The following RAI1 variants were observed in gnomAD, a reference collection of about 807,000 sequenced individuals.
The protein encoded by RAI1 is retinoic acid-induced protein 1.
RAI1 carries 9 observed loss-of-function variants against 123.8 expected under a neutral mutation model. The observed-to-expected ratio is 0.07, with a 90% CI of 0.04 to 0.13. The LOEUF (loss-of-function observed/expected upper bound fraction) is 0.13, where lower values mean the gene tolerates loss of function less well. RAI1 is among the 10% of genes least tolerant of loss of function. The pLI is 1.00. For synonymous variants in RAI1, 1,231 were observed against 1,127.3 expected, an observed-to-expected ratio of 1.09 and a Z score of -1.84; for missense variants, 2,256 against 2,545.8, an observed-to-expected ratio of 0.89 and a Z score of 2.45.
intron 1 of RAI1, among the ~76,000 whole-genome samples, chr17:17,722,367 A>G (rs1447657425): frequency 6.6e-6 from 1 of 152,256 alleles, no homozygotes; most frequent in East Asian, 1.9e-4. Flanking sequence ...GGCGCCCGCC[A>G]GCTGCACTCA....
chr17:17,684,697 T>TATAC (rs1311205723), intron 1 of RAI1: 1 of 128,164 alleles, frequency 7.8e-6, no homozygotes, highest in Middle Eastern at 3.4e-3. Context: ...TATATATATA[T>TATAC]ATATATATAT....
chr17:17,690,493 G>A (rs1418343671), intron 1 of RAI1, among the ~76,000 whole-genome samples: 1 of 151,936 alleles, frequency 6.6e-6, no homozygotes, highest in Non-Finnish European at 1.5e-5. Context: ...GCCTGCCTCT[G>A]TGTGTCTTTA....
rs753540389 is a variant in RAI1 at position 17,797,380 on chromosome 17, C to G, written c.4432C>G (p.Arg1478Gly). 1.2e-6 allele frequency: 2 copies of G among 1,612,784 alleles called. No homozygotes were observed. The highest frequency in any genetic ancestry group is 2.2e-5 in the East Asian group (1 of 44,838). Residue 1478 changes from arginine (R) to glycine (G), a missense_variant, in exon 3 of 6, where the codon CGA (arginine) becomes GGA (glycine). Arg to Gly is a moderately radical substitution (Grantham distance 125, BLOSUM62 -2). Coordinates refer to ENST00000353383, the MANE Select transcript of RAI1 (RefSeq NM_030665.4). Reference sequence around the variant, plus strand: ...TGGCCCGGCTCTGCTCCTGACTCCCCGAGACAGGGCCAGTGGCACACAAGG... The same window carrying G: ...TGGCCCGGCTCTGCTCCTGACTCCCGGAGACAGGGCCAGTGGCACACAAGG... ...YLGPALLLTP[R>G]DRASGTQGAS...
At chr17:17,704,642 A>G (rs1012506811) in intron 1 of RAI1, among the ~76,000 whole-genome samples, 1 of 152,186 alleles carries the variant, frequency 6.6e-6, no homozygotes, top group South Asian at 2.1e-4. Flanking sequence ...CAGGATATGC[A>G]TAGTCCTGAC....
chr17:17,749,764 AC>A (rs1464493129), intron 2 of RAI1, among the ~76,000 whole-genome samples: 1 of 152,124 alleles, frequency 6.6e-6, no homozygotes, highest in African/African-American at 2.4e-5. Context: ...TTCTTGCCAT[AC>A]TGTAAGCTCC....
intron 2 of RAI1, among the ~76,000 whole-genome samples, chr17:17,739,577 C>T (rs867534194): frequency 2.6e-5 from 4 of 152,200 alleles, no homozygotes; most frequent in African/African-American, 9.7e-5. Context: ...CTCCTGCCTT[C>T]CAGAGCTAAG....
chr17:17,705,911 C>T (rs375733376), intron 1 of RAI1, among the ~76,000 whole-genome samples: 27 of 151,068 alleles, frequency 1.8e-4, no homozygotes, highest in African/African-American at 6.3e-4. Context: ...GTAGTCCCAG[C>T]TACTCGGGAG....
intron 1 of RAI1, among the ~76,000 whole-genome samples, chr17:17,723,004 G>A (rs1915936787): frequency 6.6e-6 from 1 of 151,998 alleles, no homozygotes; most frequent in South Asian, 2.1e-4. Context: ...AGCCACACAC[G>A]CAACCGCCTG....
chr17:17,701,793 C>T (rs1915232652), intron 1 of RAI1, among the ~76,000 whole-genome samples: 1 of 152,176 alleles, frequency 6.6e-6, no homozygotes, highest in African/African-American at 2.4e-5. Flanking sequence ...AGTCCCATCC[C>T]TCCTCCCTTT....
chr17:17,810,960 C>T lies in RAI1; in HGVS notation c.*979C>T, dbSNP rs1034976781. 3 of 326,002 alleles carry T rather than the reference C, an allele frequency of 9.2e-6. No individual in the cohort carries two copies. Among genetic ancestry groups the T allele is most frequent in the Non-Finnish European group, 1.9e-5 (3 of 159,054 alleles). The allele number at this position is 326,002 out of a possible 1,614,324, so 20.2% of individuals were successfully genotyped here. A position where few individuals can be genotyped will look rare whatever the true frequency, so the allele number is the denominator to read the frequency against. On this transcript the variant is annotated 3_prime_UTR_variant, in exon 6 of 6. Transcript: ENST00000353383. This position sits in a 1 kb window ranked among gnomAD's most constrained non-coding sequence, Gnocchi z 4.6. Reference sequence around the variant, plus strand: ...ATATGTTGGGAACATGCTCGCTTCTCCCGTGTGTCGCCGCCGTGCGTCGTG... The same window carrying T: ...ATATGTTGGGAACATGCTCGCTTCTTCCGTGTGTCGCCGCCGTGCGTCGTG...
rs116071139 is a variant in RAI1, at chr17:17,690,722, C to A, written c.-149+8929C>A. Among the ~76,000 whole-genome samples the A allele has an allele frequency of 8.3e-3, 1,269 of 152,314 alleles. 15 individuals are homozygous for A. The highest frequency in any genetic ancestry group is 0.03 in the African/African-American group (1,230 of 41,568). Reference sequence around the variant, plus strand: ...AAAGTAAAAACCACCTGAAAGATTTCTTAGGAGCTACAGCTTCATAGAGAT... The same window carrying A: ...AAAGTAAAAACCACCTGAAAGATTTATTAGGAGCTACAGCTTCATAGAGAT... On this transcript the variant is annotated intron_variant, in intron 1 of 5. Coordinates refer to ENST00000353383, the MANE Select transcript of RAI1 (RefSeq NM_030665.4).
intron 2 of RAI1, among the ~76,000 whole-genome samples, chr17:17,754,205 T>TC: frequency 7.1e-6 from 1 of 140,760 alleles, no homozygotes; most frequent in South Asian, 2.4e-4. Flanking sequence ...TTTTTTTTTT[T>TC]TTTTTTTTTT....
intron 2 of RAI1, among the ~76,000 whole-genome samples, chr17:17,792,359 G>A (rs995180778): frequency 5.9e-5 from 9 of 152,128 alleles, no homozygotes; most frequent in African/African-American, 1.2e-4. Flanking sequence ...GCATACATAT[G>A]CTTGTGTGCA....
In RAI1 at chr17:17,800,496, G is replaced by T. The variant is rs1051676274; in HGVS notation, c.5565+1983G>T. ...GCCGAAGGGAGGAGGGGTCAGCCCCGAGCACCGACCACCCCATCCTGTCCC... is the reference window on the plus strand; with the variant it reads ...GCCGAAGGGAGGAGGGGTCAGCCCCTAGCACCGACCACCCCATCCTGTCCC... On this transcript the variant is annotated intron_variant, in intron 3 of 5. Coordinates refer to ENST00000353383, the MANE Select transcript of RAI1 (RefSeq NM_030665.4). The surrounding 1 kb of genome is among the most constrained non-coding windows in gnomAD (Gnocchi z 4.7). 1.3e-5 allele frequency among the ~76,000 whole-genome samples: 2 copies of T among 152,164 alleles called. No homozygotes were observed. Among genetic ancestry groups the T allele is most frequent in the Non-Finnish European group, 2.9e-5 (2 of 68,026 alleles).
At chr17:17,747,395 A>T (rs1263028917) in intron 2 of RAI1, among the ~76,000 whole-genome samples, 2 of 152,210 alleles carry the variant, frequency 1.3e-5, no homozygotes, top group African/African-American at 4.8e-5. Flanking sequence ...GGGGTGGGCC[A>T]GTCCCTGTTG....
intron 1 of RAI1, among the ~76,000 whole-genome samples, chr17:17,682,141 C>T (rs1225125038): frequency 1.9e-5 from 2 of 106,378 alleles, no homozygotes; most frequent in African/African-American, 3.7e-5. Flanking sequence ...GGAGTCTTTG[C>T]GGAGCGTGGG....
chr17:17,791,117 C>T (rs916762347), intron 2 of RAI1, among the ~76,000 whole-genome samples: 1 of 152,204 alleles, frequency 6.6e-6, no homozygotes, highest in Non-Finnish European at 1.5e-5. Flanking sequence ...TGGGCAGGGG[C>T]TCGCCTCGTG....
intron 1 of RAI1, among the ~76,000 whole-genome samples, chr17:17,689,315 A>G (rs1914761601): frequency 6.6e-6 from 1 of 152,182 alleles, no homozygotes; most frequent in African/African-American, 2.4e-5. Context: ...ACCTGTAATA[A>G]CATTGGCCAA....
chr17:17,718,340 G>C (rs1473834603), intron 1 of RAI1, among the ~76,000 whole-genome samples: 1 of 152,166 alleles, frequency 6.6e-6, no homozygotes, highest in South Asian at 2.1e-4. Context: ...CTGTACTCCC[G>C]ATGCTCTCCA....
Sources: gnomAD v4.1 joint callset for allele counts (sites outside exome capture counted in the v4.1 genomes callset) on GRCh38, gnomAD v4.1.1 for gene constraint, Gnocchi (gnomAD v3.1) non-coding constraint, MANE v1.5 for transcripts, NCBI Gene and HGNC (gene_info 2026-07-23, HGNC 2026-07-21) for gene names.